MX2: variants seen among roughly 807,000 people sequenced by gnomAD.
MX2 encodes MX dynamin like GTPase 2.
In MX2, 51 loss-of-function variants were observed where a neutral mutation model predicts 74.0. The ratio of observed to expected loss-of-function variants is 0.69; its 90% CI spans 0.55 to 0.87. The LOEUF (loss-of-function observed/expected upper bound fraction) is 0.87. Among genes scored for constraint, MX2 ranks in the 40% least tolerant of loss-of-function variants. MX2 has a pLI of 0.00. For missense variants in MX2, 832 were observed against 908.7 expected, an observed-to-expected ratio of 0.92 and a Z score of 1.09; for synonymous variants, 369 against 339.3, an observed-to-expected ratio of 1.09 and a Z score of -0.96.
intron 6 of MX2, among the ~76,000 whole-genome samples, chr21:41,393,126 AAAAAAG>A (rs1231078277): frequency 2.8e-5 from 4 of 141,212 alleles, no homozygotes; most frequent in East Asian, 2.0e-4. Context: ...AAAAAAAAAA[AAAAAAG>A]AAAGAAAGAA....
chr21:41,377,266 C>A, intron 2 of MX2, 111 bp downstream of exon 2: 2 of 1,413,730 alleles, frequency 1.4e-6, no homozygotes, highest in Non-Finnish European at 1.9e-6. Context: ...TCCTCCAGCA[C>A]AGCTGATGTC....
chr21:41,385,093 A>G (rs2089552602), intron 5 of MX2, among the ~76,000 whole-genome samples: 1 of 152,116 alleles, frequency 6.6e-6, no homozygotes. Flanking sequence ...CTTATCATCC[A>G]TGTGTTTACT....
rs1261660589 is a variant in MX2 at position 41,368,086 on chromosome 21, A to G, written c.-72+6031A>G. Among the ~76,000 whole-genome samples the G allele has an allele frequency of 6.6e-6, 1 of 152,160 alleles. No homozygotes were observed. The highest frequency in any genetic ancestry group is 2.1e-4 in the South Asian group (1 of 4,828). The stretch of plus-strand genomic sequence containing the variant: ...GCTCTGCATTTATACTGGGCTGCGG[A>G]AGCTCCCACGTGGGGACCAAGCCCT... On this transcript the variant is annotated intron_variant, in intron 1 of 13. Transcript: ENST00000330714. The surrounding 1 kb of genome is among the most constrained non-coding windows in gnomAD (Gnocchi z 4.6).
intron 6 of MX2, among the ~76,000 whole-genome samples, chr21:41,391,931 C>T (rs1002967863): frequency 6.6e-6 from 1 of 151,908 alleles, no homozygotes; most frequent in Non-Finnish European, 1.5e-5. Context: ...ATTTCATCAC[C>T]CAGGTATCAA....
In MX2 at chr21:41,368,189, T is replaced by G. The variant is rs2089284528; in HGVS notation, c.-72+6134T>G. 6.6e-6 allele frequency among the ~76,000 whole-genome samples: 1 copy of G among 152,058 alleles called. No individual in the cohort carries two copies. The highest frequency in any genetic ancestry group is 2.4e-5 in the African/African-American group (1 of 41,398). ...AGCCTCTTAAGCCCCCCACTTTCAT[T>G]CCCTCCTGCCTCTGTGCATAGCCCA... On this transcript the variant is annotated intron_variant, in intron 1 of 13. Transcript: ENST00000330714. This position sits in a 1 kb window ranked among gnomAD's most constrained non-coding sequence, Gnocchi z 4.6.
chr21:41,369,980 T>C (rs927287532), intron 1 of MX2, among the ~76,000 whole-genome samples: 2 of 152,154 alleles, frequency 1.3e-5, no homozygotes, highest in African/African-American at 4.8e-5. Flanking sequence ...CTCTCTACTT[T>C]GGAAAGCCAG....
intron 6 of MX2, among the ~76,000 whole-genome samples, chr21:41,393,127 A>AAAAAAG (rs1568944000): frequency 4.2e-5 from 6 of 141,968 alleles, no homozygotes; most frequent in South Asian, 2.2e-4. Flanking sequence ...AAAAAAAAAA[A>AAAAAAG]AAAAGAAAGA....
At chr21:41,386,242 A>C (rs894781395) in intron 5 of MX2, among the ~76,000 whole-genome samples, 1 of 150,868 alleles carries the variant, frequency 6.6e-6, no homozygotes, top group Non-Finnish European at 1.5e-5. Flanking sequence ...AAAAAAAAAA[A>C]AAAAAAACAA....
chr21:41,386,002 A>T (rs1448757014), intron 5 of MX2, among the ~76,000 whole-genome samples: 1 of 152,090 alleles, frequency 6.6e-6, no homozygotes, highest in Non-Finnish European at 1.5e-5. Context: ...GTTAAAAAAA[A>T]TACAAATAAA....
Position 41,363,989 on chromosome 21 carries a change from A to G in MX2, c.-72+1934A>G, listed in dbSNP as rs1766724175. On this transcript the variant is annotated intron_variant, in intron 1 of 13. Transcript: ENST00000330714. This position sits in a 1 kb window ranked among gnomAD's most constrained non-coding sequence, Gnocchi z 4.2. ...CTGGGGCCCCCACAAGGCCTCCAGC[A>G]TCTCCCCATGGCCCAGTTTCCTCAT... is the stretch of plus-strand genomic sequence containing the variant. 1 of 154,778 alleles carries G rather than the reference A, an allele frequency of 6.5e-6. No individual in the cohort carries two copies. The highest frequency in any genetic ancestry group is 6.5e-5 in the Admixed American group (1 of 15,290). 9.6% of individuals were successfully genotyped at this position (154,778 alleles called of 1,614,324 possible). A position where few individuals can be genotyped will look rare whatever the true frequency, so the allele number is the denominator to read the frequency against.
intron 1 of MX2, among the ~76,000 whole-genome samples, chr21:41,369,256 G>T (rs915603064): frequency 6.6e-6 from 1 of 152,216 alleles, no homozygotes; most frequent in African/African-American, 2.4e-5. Flanking sequence ...GCTGAAGGCT[G>T]AGCGGCGGCG....
At chr21:41,390,354 T>C in intron 5 of MX2, 1 of 573,446 alleles carries the variant, frequency 1.7e-6, no homozygotes, top group Non-Finnish European at 3.1e-6. Flanking sequence ...ATGCCAGCCG[T>C]GGGCTTTGAA....
intron 8 of MX2, among the ~76,000 whole-genome samples, chr21:41,398,622 A>G (rs919165134): frequency 3.9e-5 from 6 of 152,216 alleles, no homozygotes; most frequent in African/African-American, 1.2e-4. Flanking sequence ...TACTTGAGCC[A>G]GGAAGCACAT....
chr21:41,397,797 A>G (rs2089755939), intron 8 of MX2, 106 bp downstream of exon 8: 1 of 907,074 alleles, frequency 1.1e-6, no homozygotes, highest in East Asian at 2.5e-5. Flanking sequence ...AAACAAGCAA[A>G]CAAGTACCCT....
At chr21:41,369,058 A>T (rs1467315010) in intron 1 of MX2, among the ~76,000 whole-genome samples, 1 of 152,284 alleles carries the variant, frequency 6.6e-6, no homozygotes, top group South Asian at 2.1e-4. Context: ...CTTTAGATGG[A>T]CTCATCTCTC....
chr21:41,384,882 G>T (rs1432749292), intron 5 of MX2, among the ~76,000 whole-genome samples: 1 of 151,288 alleles, frequency 6.6e-6, no homozygotes, highest in Non-Finnish European at 1.5e-5. Flanking sequence ...GGAATAAAAT[G>T]CCCTACCTTA....
chr21:41,406,455 C>T (rs2089887442), intron 12 of MX2, among the ~76,000 whole-genome samples: 1 of 152,128 alleles, frequency 6.6e-6, no homozygotes, highest in Non-Finnish European at 1.5e-5. Context: ...TAAGCCTGTT[C>T]CTGTTGAAGG....
chr21:41,381,414 G>A (rs975975765), intron 4 of MX2, among the ~76,000 whole-genome samples: 19 of 152,280 alleles, frequency 1.2e-4, no homozygotes, highest in African/African-American at 2.6e-4. Context: ...GGCCAGGCGC[G>A]GTGGCTCAAG....
Position 41,407,986 on chromosome 21 carries a change from TCCAGGAAA to T in MX2, c.1906_1913del (p.Glu636GlnfsTer21). On this transcript the variant is annotated splice_acceptor_variant and splice_polypyrimidine_tract_variant and coding_sequence_variant and intron_variant, in exon 14 of 14. Coordinates refer to ENST00000330714, the MANE Select transcript of MX2 (RefSeq NM_002463.2). LOFTEE classifies it high-confidence loss of function. Reference sequence around the variant, plus strand: ...CCAGCAAACCCTTCTTTCTCCCTCTTCCAGGAAACCAGCAAACGTCTCGCCAACCAGAT... The same window carrying T: ...CCAGCAAACCCTTCTTTCTCCCTCTTCCAGCAAACGTCTCGCCAACCAGAT... 1.2e-6 allele frequency: 2 copies of T among 1,614,040 alleles called. No individual in the cohort carries two copies. Among genetic ancestry groups the T allele is most frequent in the Admixed American group, 3.3e-5 (2 of 60,014 alleles).
Sources: gnomAD v4.1 joint callset for allele counts (sites outside exome capture counted in the v4.1 genomes callset) on GRCh38, gnomAD v4.1.1 for gene constraint, Gnocchi (gnomAD v3.1) non-coding constraint, MANE v1.5 for transcripts, NCBI Gene and HGNC (gene_info 2026-07-23, HGNC 2026-07-21) for gene names.